The following ITGA8 variants were observed in gnomAD, a reference collection of about 807,000 sequenced individuals.
ITGA8 encodes integrin alpha-8.
ITGA8 carries 91 observed loss-of-function variants against 142.3 expected under a neutral mutation model. That is an observed-to-expected ratio of 0.64 (90% CI 0.54 to 0.76). ITGA8 has a LOEUF of 0.76. Ranked by LOEUF, ITGA8 falls within the 30% of genes least tolerant of loss-of-function variation. ITGA8 has a pLI of 0.00. For synonymous variants in ITGA8, 505 were observed against 485.2 expected (o/e 1.04, Z -0.54); for missense variants, 1,406 against 1,327.7 (o/e 1.06, Z -0.92).
At chr10:15,645,881 A>G (rs936511944) in intron 12 of ITGA8, among the ~76,000 whole-genome samples, 1 of 152,124 alleles carries the variant, frequency 6.6e-6, no homozygotes, top group East Asian at 1.9e-4. Flanking sequence ...ATAAATTCTA[A>G]CCTAAAGAAC....
In ITGA8 at chr10:15,516,897, GA is replaced by G; in HGVS notation, c.*260del. The G allele has an allele frequency of 2.9e-6, 1 of 346,002 alleles. No individual in the cohort carries two copies. Among genetic ancestry groups the G allele is most frequent in the East Asian group, 6.7e-5 (1 of 14,920 alleles). 21.4% of individuals were successfully genotyped at this position (346,002 alleles called of 1,614,324 possible). A position where few individuals can be genotyped will look rare whatever the true frequency, so the allele number is the denominator to read the frequency against. On this transcript the variant is annotated 3_prime_UTR_variant, in exon 30 of 30. Coordinates refer to ENST00000378076, the MANE Select transcript of ITGA8 (RefSeq NM_003638.3). ...CATTTCAAAGTGTCTGCCAAGTACA[GA>G]ACGATTAAAGCAAAAGAAAATCTTC...
chr10:15,694,311 T>C (rs1435990142), intron 2 of ITGA8, among the ~76,000 whole-genome samples: 87 of 98,434 alleles, frequency 8.8e-4, no homozygotes, highest in African/African-American at 2.9e-3. Flanking sequence ...TATGATAATA[T>C]ATCATATATA....
At chr10:15,604,488 A>T in intron 19 of ITGA8, 133 bp from the exon 20 acceptor site, 1 of 526,228 alleles carries the variant, frequency 1.9e-6, no homozygotes, top group Admixed American at 4.0e-5. Context: ...TCATGAAGAG[A>T]TGGTAGGAAG....
chr10:15,560,679 C>A (rs552053943), intron 25 of ITGA8, among the ~76,000 whole-genome samples: 1 of 152,056 alleles, frequency 6.6e-6, no homozygotes, highest in African/African-American at 2.4e-5. Flanking sequence ...TAGAAAGATA[C>A]AAGATATTAG....
chr10:15,566,548 T>C (rs1979156), intron 25 of ITGA8, among the ~76,000 whole-genome samples: 83,624 of 151,874 alleles, frequency 0.55, 24,313 homozygotes, highest in Non-Finnish European at 0.65. Context: ...TGGTGGCTCA[T>C]GCCTGTAATC....
At chr10:15,653,694 T>C (rs1017243948) in intron 11 of ITGA8, among the ~76,000 whole-genome samples, 1 of 152,232 alleles carries the variant, frequency 6.6e-6, no homozygotes, top group African/African-American at 2.4e-5. Context: ...CACTGCCTTG[T>C]TCCTGATGCC....
chr10:15,622,053 G>A (rs930201293), intron 13 of ITGA8, among the ~76,000 whole-genome samples: 4 of 152,176 alleles, frequency 2.6e-5, no homozygotes, highest in African/African-American at 9.7e-5. Flanking sequence ...AGGTACTTGG[G>A]AGGTGGAGGC....
At chr10:15,709,421 G>A (rs891575302) in intron 2 of ITGA8, among the ~76,000 whole-genome samples, 4 of 152,150 alleles carry the variant, frequency 2.6e-5, no homozygotes, top group Admixed American at 2.6e-4. Flanking sequence ...CAGAAGAAAT[G>A]CTCTAGGTAG....
At chr10:15,606,056 A>G (rs1258088653) in intron 18 of ITGA8, among the ~76,000 whole-genome samples, 1 of 152,190 alleles carries the variant, frequency 6.6e-6, no homozygotes, top group Admixed American at 6.5e-5. Context: ...TATTGCTTCC[A>G]TTACAGCCAC....
At chr10:15,590,284 C>G (rs1304078764) in intron 22 of ITGA8, among the ~76,000 whole-genome samples, 6 of 152,164 alleles carry the variant, frequency 3.9e-5, no homozygotes, top group African/African-American at 1.2e-4. Context: ...GCAAATTCGG[C>G]ACTTCATTAC....
chr10:15,649,902 A>C (rs558830842), intron 11 of ITGA8, among the ~76,000 whole-genome samples: 1 of 152,340 alleles, frequency 6.6e-6, no homozygotes, highest in South Asian at 2.1e-4. Flanking sequence ...TACAATGCTA[A>C]ACATAGGCTT....
chr10:15,635,950 C>CACAT (rs980271690), intron 13 of ITGA8, among the ~76,000 whole-genome samples: 1 of 151,848 alleles, frequency 6.6e-6, no homozygotes, highest in African/African-American at 2.4e-5. Flanking sequence ...CACACACACA[C>CACAT]ACACACAGAG....
chr10:15,688,570 C>A (rs377670287), intron 2 of ITGA8, among the ~76,000 whole-genome samples: 5 of 152,152 alleles, frequency 3.3e-5, no homozygotes, highest in African/African-American at 1.2e-4. Context: ...AGGCTAATAT[C>A]CTTGATAAAC....
intron 13 of ITGA8, among the ~76,000 whole-genome samples, chr10:15,640,424 G>A (rs1302300563): frequency 6.6e-6 from 1 of 152,278 alleles, no homozygotes; most frequent in Admixed American, 6.5e-5. Flanking sequence ...AAGTGCTTTT[G>A]ATTTGAAAAA....
rs1434573706 is a variant in ITGA8 at position 15,660,918 on chromosome 10, C to A, written c.852G>T (p.Leu284Phe). The change falls in exon 9 of 30, where the codon TTG becomes TTT. Residue 284 changes from leucine to phenylalanine, a missense_variant. Physicochemically the swap from Leu to Phe is conservative, Grantham distance 22. Transcript: ENST00000378076. ...GEFTGDSQQE[L>F]VAGIPRGAQN... is the part of the protein sequence containing the mutation. ...GTGCTCCTCTTGGAATTCCAGCAAC[C>A]AATTCTGGGGATGAAAATAGCCATT... 1.2e-6 allele frequency: 2 copies of A among 1,613,334 alleles called. No homozygotes were observed. The highest frequency in any genetic ancestry group is 3.3e-5 in the Admixed American group (2 of 59,984).
At chr10:15,673,899 CA>C (rs1834576732) in intron 6 of ITGA8, among the ~76,000 whole-genome samples, 2 of 152,334 alleles carry the variant, frequency 1.3e-5, no homozygotes, top group Admixed American at 1.3e-4. Flanking sequence ...AGACAACCAG[CA>C]ATTTCCGCTG....
At chr10:15,717,410 T>C (rs2500318) in intron 2 of ITGA8, among the ~76,000 whole-genome samples, 139,871 of 152,202 alleles carry the variant, frequency 0.92, 65,244 homozygotes, top group East Asian at 1. Flanking sequence ...TTTAATTCTT[T>C]TGGTTTACGA....
At chr10:15,579,002 A>T (rs1276912992) in intron 23 of ITGA8, among the ~76,000 whole-genome samples, 1 of 152,146 alleles carries the variant, frequency 6.6e-6, no homozygotes, top group Non-Finnish European at 1.5e-5. Flanking sequence ...TTAATTATAA[A>T]AAACAGTAGA....
At chr10:15,556,003 A>G (rs1157516647) in intron 26 of ITGA8, among the ~76,000 whole-genome samples, 6 of 127,734 alleles carry the variant, frequency 4.7e-5, no homozygotes, top group Non-Finnish European at 8.0e-5. Flanking sequence ...GTCTTCTGCC[A>G]GGGTCTCTCT....
Sources: allele counts gnomAD v4.1 joint callset (sites outside exome capture counted in the v4.1 genomes callset), GRCh38; gene constraint gnomAD v4.1.1; transcripts MANE v1.5; gene names NCBI Gene and HGNC (gene_info 2026-07-23, HGNC 2026-07-21).